CSMD1: variants seen among roughly 807,000 people sequenced by gnomAD.
The protein encoded by CSMD1 is CUB and Sushi multiple domains 1.
In CSMD1, 213 loss-of-function variants were observed where a neutral mutation model predicts 417.5. That is an observed-to-expected ratio of 0.51 (90% CI 0.46 to 0.57). CSMD1 has a LOEUF of 0.57. CSMD1 is among the 20% of genes least tolerant of loss of function. The probability of loss-of-function intolerance (pLI) is 0.00; values close to 1 mark genes in which losing one functional copy is unlikely to be tolerated. For missense variants in CSMD1, 6,923 were observed against 4,529.7 expected (o/e 1.53, Z -15.17); for synonymous variants, 2,862 against 1,736.8 (o/e 1.65, Z -16.11).
intron 59 of CSMD1, among the ~76,000 whole-genome samples, chr8:2,964,714 G>A (rs968285825): frequency 3.2e-4 from 48 of 152,166 alleles, no homozygotes; most frequent in African/African-American, 1.1e-3. Context: ...TATCACAGGT[G>A]CAGTATTAAG....
At chr8:4,256,232 A>G (rs1310909743) in intron 3 of CSMD1, among the ~76,000 whole-genome samples, 1 of 152,164 alleles carries the variant, frequency 6.6e-6, no homozygotes, top group African/African-American at 2.4e-5. Context: ...TTGTGCTCAA[A>G]CCAACCTTCT....
chr8:3,825,540 G>C (rs1022847044), intron 5 of CSMD1, among the ~76,000 whole-genome samples: 2 of 151,948 alleles, frequency 1.3e-5, no homozygotes, highest in Non-Finnish European at 2.9e-5. Context: ...GCAGGGGCAG[G>C]TTCAGGGGTG....
intron 5 of CSMD1, among the ~76,000 whole-genome samples, chr8:3,982,605 A>G (rs1813966580): frequency 7.1e-6 from 1 of 141,638 alleles, no homozygotes. Context: ...ATTATGAAGT[A>G]CTGCTGAGAG....
chr8:3,667,608 A>T (rs956109631), intron 7 of CSMD1, among the ~76,000 whole-genome samples: 1 of 152,166 alleles, frequency 6.6e-6, no homozygotes, highest in African/African-American at 2.4e-5. Flanking sequence ...TTTGTGAGTG[A>T]CAGAGGAGTC....
intron 6 of CSMD1, among the ~76,000 whole-genome samples, chr8:3,710,044 C>T (rs527911026): frequency 2.6e-5 from 4 of 151,950 alleles, no homozygotes; most frequent in Non-Finnish European, 4.4e-5. Context: ...TGACCAGATG[C>T]CTTACCAATA....
intron 6 of CSMD1, among the ~76,000 whole-genome samples, chr8:3,712,388 G>A (rs940344811): frequency 7.9e-4 from 34 of 43,042 alleles, no homozygotes; most frequent in Middle Eastern, 0.029. Context: ...GAGAGAGAGA[G>A]AGAGAGAGAG....
At chr8:4,727,588 C>A (rs779526881) in intron 1 of CSMD1, among the ~76,000 whole-genome samples, 1 of 152,114 alleles carries the variant, frequency 6.6e-6, no homozygotes. Context: ...TCTTACCTAA[C>A]GTCTTCTAGC....
At chr8:3,310,848 A>ACTT (rs1805282474) in intron 23 of CSMD1, among the ~76,000 whole-genome samples, 1 of 152,104 alleles carries the variant, frequency 6.6e-6, no homozygotes, top group African/African-American at 2.4e-5. Flanking sequence ...TGTGACCCGA[A>ACTT]CTTCTCGTTT....
At chr8:4,850,823 G>C (rs552182394) in intron 1 of CSMD1, among the ~76,000 whole-genome samples, 5 of 152,092 alleles carry the variant, frequency 3.3e-5, no homozygotes, top group East Asian at 1.9e-4. Context: ...AATTCAACCA[G>C]TGGCATCCTT....
At chr8:3,797,686 T>C (rs1474533247) in intron 5 of CSMD1, among the ~76,000 whole-genome samples, 1 of 152,004 alleles carries the variant, frequency 6.6e-6, no homozygotes, top group Non-Finnish European at 1.5e-5. Flanking sequence ...TTTTGGATTG[T>C]TTCACCTTTT....
intron 27 of CSMD1, among the ~76,000 whole-genome samples, chr8:3,227,636 C>A (rs753647461): frequency 7.2e-5 from 11 of 151,958 alleles, no homozygotes; most frequent in Admixed American, 3.9e-4. Context: ...GTAGTTGTGC[C>A]TTCTAAAAAG....
intron 2 of CSMD1, among the ~76,000 whole-genome samples, chr8:4,464,920 G>A (rs1022028871): frequency 1.3e-5 from 2 of 152,066 alleles, no homozygotes; most frequent in Non-Finnish European, 2.9e-5. Flanking sequence ...CATTGGGGCT[G>A]AGCACGAAGC....
At chr8:3,055,521 A>C (rs2199277) in intron 49 of CSMD1, among the ~76,000 whole-genome samples, 37,150 of 152,088 alleles carry the variant, frequency 0.24, 4,842 homozygotes, top group East Asian at 0.43. Context: ...GCTCAAGTTT[A>C]GTATTCATTC....
chr8:4,233,707 GC>G (rs1213555471), intron 3 of CSMD1, among the ~76,000 whole-genome samples: 1 of 152,084 alleles, frequency 6.6e-6, no homozygotes, highest in East Asian at 1.9e-4. Flanking sequence ...TGGTACAGCA[GC>G]CCCAACAGAC....
chr8:4,983,921 G>C (rs1811035864), intron 1 of CSMD1, among the ~76,000 whole-genome samples: 1 of 152,128 alleles, frequency 6.6e-6, no homozygotes, highest in Non-Finnish European at 1.5e-5. Context: ...CGATGAGGTG[G>C]AATAGAAAAC....
At chr8:3,494,041 C>A (rs2117305458) in intron 10 of CSMD1, among the ~76,000 whole-genome samples, 1 of 152,210 alleles carries the variant, frequency 6.6e-6, no homozygotes, top group Middle Eastern at 3.4e-3. Flanking sequence ...CAGTGCTTAA[C>A]TAAATCAATA....
At chr8:4,030,068 T>C (rs1160273390) in intron 4 of CSMD1, among the ~76,000 whole-genome samples, 1 of 152,224 alleles carries the variant, frequency 6.6e-6, no homozygotes. Context: ...CTTTGAAGAA[T>C]ACAGCTTCCC....
intron 3 of CSMD1, among the ~76,000 whole-genome samples, chr8:4,065,869 A>C (rs1291288337): frequency 1.3e-5 from 2 of 152,216 alleles, no homozygotes; most frequent in Admixed American, 6.5e-5. Context: ...GTTTTCCTTC[A>C]CTGTCTTCCA....
chr8:3,018,042 G>A lies in CSMD1; in HGVS notation c.8029+435C>T, dbSNP rs147861787. Among the ~76,000 whole-genome samples the A allele has an allele frequency of 3.3e-3, 508 of 151,986 alleles. 2 individuals are homozygous for A. Among genetic ancestry groups the A allele is most frequent in the African/African-American group, 0.011 (475 of 41,476 alleles). ...ATTATGCAGAATATTTTAAGTTTTT[G>A]AAAAAAGAAGACTACATTATTGTAG... On this transcript the variant is annotated intron_variant, in intron 52 of 69. Transcript: ENST00000635120.
Sources: allele counts gnomAD v4.1 joint callset (sites outside exome capture counted in the v4.1 genomes callset), GRCh38; gene constraint gnomAD v4.1.1; transcripts MANE v1.5; gene names NCBI Gene and HGNC (gene_info 2026-07-23, HGNC 2026-07-21).